The following RBM23 variants were observed in gnomAD, a reference collection of about 807,000 sequenced individuals.
RBM23 encodes the protein RNA binding motif protein 23.
RBM23 carries 53 observed loss-of-function variants against 56.2 expected under a neutral mutation model. That is an observed-to-expected ratio of 0.94 (90% CI 0.76 to 1.19). The LOEUF (loss-of-function observed/expected upper bound fraction) is 1.19. Ranked by LOEUF, RBM23 falls within the 50% of genes most tolerant of loss-of-function variation. RBM23 has a pLI of 0.00. For synonymous variants in RBM23, 197 were observed against 198.5 expected (o/e 0.99, Z 0.06); for missense variants, 642 against 590.3 (o/e 1.09, Z -0.91).
At position 22,911,390 on chromosome 14, in the gene RBM23, C is replaced by A; in HGVS notation, c.4G>T (p.Ala2Ser). The change falls in exon 2 of 14, where the codon GCA (alanine) becomes TCA (serine). Residue 2 changes from alanine (A) to serine (S), a missense_variant. Physicochemically the swap from Ala to Ser is moderately conservative, Grantham distance 99 (BLOSUM62 1). Coordinates refer to ENST00000359890, the MANE Select transcript of RBM23 (RefSeq NM_001077351.2). ...ATCACTATGTCAAAGTCATCAGATG[C>A]CATCCTGTCAGATCTGGGGAGAGGA... M[A>S]SDDFDIVIEA... The A allele has an allele frequency of 6.2e-7, 1 of 1,613,036 alleles. No individual in the cohort carries two copies. Among genetic ancestry groups the A allele is most frequent in the Non-Finnish European group, 8.5e-7 (1 of 1,179,276 alleles).
intron 5 of RBM23, 158 bp downstream of exon 5, chr14:22,906,034 GCCA>G (rs2041484986): frequency 6.0e-6 from 5 of 827,012 alleles, no homozygotes; most frequent in Non-Finnish European, 9.3e-6. Context: ...ACAGGCATGA[GCCA>G]CCACACCAGT....
intron 10 of RBM23, chr14:22,903,727 A>C: frequency 9.9e-7 from 1 of 1,012,504 alleles, no homozygotes. Context: ...AGTTATAGGA[A>C]TTGGCAACCA....
In RBM23 at chr14:22,898,606, A is replaced by C. The variant is rs1203305949; in HGVS notation, c.*3124T>G. The C allele has an allele frequency of 6.6e-6, 1 of 152,002 alleles. No individual in the cohort carries two copies. The highest frequency in any genetic ancestry group is 1.5e-5 in the Non-Finnish European group (1 of 68,012). The allele number at this position is 152,002 out of a possible 1,614,324, so 9.4% of individuals were successfully genotyped here. A position where few individuals can be genotyped will look rare whatever the true frequency, so the allele number is the denominator to read the frequency against. Reference sequence around the variant, plus strand: ...CACCTTATATGGAGTAAGACTGGAAATTGTCTTAGATACGTCCTTACTTCC... The same window carrying C: ...CACCTTATATGGAGTAAGACTGGAACTTGTCTTAGATACGTCCTTACTTCC... On this transcript the variant is annotated 3_prime_UTR_variant, in exon 14 of 14. Transcript: ENST00000359890.
chr14:22,902,547 T>C, intron 10 of RBM23, 165 bp from the exon 11 acceptor site: 1 of 1,340,142 alleles, frequency 7.5e-7, no homozygotes. Context: ...CTCAAAATGG[T>C]TCTCTGAAAA....
intron 1 of RBM23, among the ~76,000 whole-genome samples, chr14:22,918,012 A>G (rs566631772): frequency 4.1e-4 from 62 of 152,166 alleles, no homozygotes; most frequent in Non-Finnish European, 7.6e-4. Context: ...AAACACCTAC[A>G]AACTGAAGGC....
chr14:22,909,412 G>A lies in RBM23; in HGVS notation c.179+71C>T, dbSNP rs1004008333. 44 of 1,248,658 alleles carry A rather than the reference G, an allele frequency of 3.5e-5. No individual in the cohort carries two copies. In the African/African-American group the frequency reaches 4.7e-4, roughly 13 times the overall value. 77.3% of individuals were successfully genotyped at this position (1,248,658 alleles called of 1,614,324 possible). On this transcript the variant is annotated intron_variant, in intron 3 of 13. Transcript: ENST00000359890. The stretch of plus-strand genomic sequence containing the variant: ...TAACAGAAACAATCTCCCTATTCTG[G>A]TTATTTTTCCAATGGACAAAACTGT...
intron 10 of RBM23, chr14:22,903,501 G>A (rs1432090988): frequency 1.0e-6 from 1 of 985,868 alleles, no homozygotes; most frequent in African/African-American, 1.7e-5. Context: ...ATGTGGTACT[G>A]ACAGTTCCTA....
rs75198523 is a variant in RBM23 at position 22,906,448 on chromosome 14, A to G, written c.228-80T>C. 6.2e-3 allele frequency: 9,363 copies of G among 1,519,182 alleles called. 469 individuals are homozygous for G. The African/African-American group carries it at 0.11, about 18-fold the overall frequency. 94.1% of individuals were successfully genotyped at this position (1,519,182 alleles called of 1,614,324 possible). Reference sequence around the variant, plus strand: ...AGTGCATATACAACAGTGGTCCCATAAGATTATAACGGTGCTGAGAAGTTC... The same window carrying G: ...AGTGCATATACAACAGTGGTCCCATGAGATTATAACGGTGCTGAGAAGTTC... On this transcript the variant is annotated intron_variant, in intron 4 of 13. Coordinates refer to ENST00000359890, the MANE Select transcript of RBM23 (RefSeq NM_001077351.2).
rs1399200817 is a variant in RBM23 at position 22,893,899 on chromosome 14, G to A, written c.*7831C>T. Reference sequence around the variant, plus strand: ...CTTAGTGGCCTTGAAAACTCCAGATGTGAATGCAAATTCAGTAAGCCCTTG... The same window carrying A: ...CTTAGTGGCCTTGAAAACTCCAGATATGAATGCAAATTCAGTAAGCCCTTG... On this transcript the variant is annotated 3_prime_UTR_variant, in exon 14 of 14. Coordinates refer to ENST00000359890, the MANE Select transcript of RBM23 (RefSeq NM_001077351.2). The A allele has an allele frequency of 6.6e-6, 1 of 152,194 alleles. No homozygotes were observed. The highest frequency in any genetic ancestry group is 2.4e-5 in the African/African-American group (1 of 41,444). 9.4% of individuals were successfully genotyped at this position (152,194 alleles called of 1,614,324 possible).
chr14:22,908,654 A>G (rs2041977256), intron 3 of RBM23: 1 of 332,802 alleles, frequency 3.0e-6, no homozygotes, highest in South Asian at 3.7e-5. Context: ...TCAGCCTCCC[A>G]AAGTGCTGGG....
At chr14:22,908,620 CT>C (rs1157912945) in intron 3 of RBM23, 2 of 396,230 alleles carry the variant, frequency 5.0e-6, no homozygotes, top group Non-Finnish European at 9.1e-6. Context: ...TCTTGAACCC[CT>C]GGCCTCAAGT....
intron 3 of RBM23, among the ~76,000 whole-genome samples, chr14:22,909,008 C>A (rs2042034657): frequency 6.6e-6 from 1 of 150,970 alleles, no homozygotes; most frequent in Admixed American, 6.6e-5. Context: ...GATGGTGCGA[C>A]CTCGGCTCAC....
rs143742652 is a variant in RBM23, at chr14:22,916,138, C to T, written c.-11+2861G>A. ...GCCTGAAATGGAAGGATCGCTTGAA[C>T]CCAGGAAGTTGAGGCTGCAGTGAAC... is the stretch of plus-strand genomic sequence containing the variant. On this transcript the variant is annotated intron_variant, in intron 1 of 13. Coordinates refer to ENST00000359890, the MANE Select transcript of RBM23 (RefSeq NM_001077351.2). Among the ~76,000 whole-genome samples, 48 of 152,304 alleles carry T rather than the reference C, an allele frequency of 3.2e-4. 2 individuals carry two copies. In the East Asian group the frequency reaches 8.5e-3, roughly 27 times the overall value.
Position 22,896,524 on chromosome 14 carries a change from C to G in RBM23, c.*5206G>C, listed in dbSNP as rs1045369065. 1.3e-5 allele frequency: 2 copies of G among 152,178 alleles called. No individual in the cohort carries two copies. Among genetic ancestry groups the G allele is most frequent in the African/African-American group, 4.8e-5 (2 of 41,436 alleles). The allele number at this position is 152,178 out of a possible 1,614,324, so 9.4% of individuals were successfully genotyped here. A position where few individuals can be genotyped will look rare whatever the true frequency, so the allele number is the denominator to read the frequency against. ...TTGACGGGTCTCCGATTTCCAAGGT[C>G]ATTGTTTCTCCTTTCTACAATCCGG... On this transcript the variant is annotated 3_prime_UTR_variant, in exon 14 of 14. Transcript: ENST00000359890.
Position 22,900,774 on chromosome 14 carries a change from A to G in RBM23, c.*956T>C, listed in dbSNP as rs968535519. On this transcript the variant is annotated 3_prime_UTR_variant, in exon 14 of 14. Coordinates refer to ENST00000359890, the MANE Select transcript of RBM23 (RefSeq NM_001077351.2). ...CAAGGAGGAGGCTTGCCTTTTGTACAAAGTTTTTATGTATATATATATGTA... is the reference window on the plus strand; with the variant it reads ...CAAGGAGGAGGCTTGCCTTTTGTACGAAGTTTTTATGTATATATATATGTA... 2 of 140,102 alleles carry G rather than the reference A, an allele frequency of 1.4e-5. No individual in the cohort carries two copies. Among genetic ancestry groups the G allele is most frequent in the African/African-American group, 2.9e-5 (1 of 34,884 alleles). The allele number at this position is 140,102 out of a possible 1,614,324, so 8.7% of individuals were successfully genotyped here.
At position 22,896,384 on chromosome 14, in the gene RBM23, C is replaced by CTTA. The variant is rs1370413114; in HGVS notation, c.*5343_*5345dup. 3.3e-5 allele frequency: 5 copies of CTTA among 152,284 alleles called. No homozygotes were observed. The highest frequency in any genetic ancestry group is 1.2e-4 in the African/African-American group (5 of 41,548). 9.4% of individuals were successfully genotyped at this position (152,284 alleles called of 1,614,324 possible). On this transcript the variant is annotated 3_prime_UTR_variant, in exon 14 of 14. Transcript: ENST00000359890. ...TACAGGGTGGAGGTCCCCTAGCTTG[C>CTTA]TTATGCTCAGGAGTTGAGGAGGCGA...
chr14:22,916,294 T>C (rs528787504), intron 1 of RBM23, among the ~76,000 whole-genome samples: 1 of 151,922 alleles, frequency 6.6e-6, no homozygotes, highest in East Asian at 1.9e-4. Context: ...TTTCACTCTG[T>C]TGCCCAAGCT....
In RBM23 at chr14:22,908,380, C is replaced by G; in HGVS notation, c.180G>C (p.Lys60Asn). ...TATTATGGCTCCGACTCCTCTTCTT[C>G]CTGTGAAAGAGAGTACATTCTTCTT... ...SGSSTIGETS[K>N]KKRSRSHNKS... Residue 60 changes from lysine (K) to asparagine (N), a missense_variant and splice_region_variant, in exon 4 of 14, where the codon AAG becomes AAC. By Grantham distance (94) the Lys-to-Asn change is moderately conservative. Coordinates refer to ENST00000359890, the MANE Select transcript of RBM23 (RefSeq NM_001077351.2). 6.5e-7 allele frequency: 1 copy of G among 1,548,234 alleles called. No homozygotes were observed. The highest frequency in any genetic ancestry group is 8.7e-7 in the Non-Finnish European group (1 of 1,146,698).
chr14:22,912,540 A>G (rs1391409340), intron 1 of RBM23, among the ~76,000 whole-genome samples: 1 of 152,304 alleles, frequency 6.6e-6, no homozygotes, highest in East Asian at 1.9e-4. Context: ...AGAAAATACC[A>G]AAGAAAACCA....
Sources: gnomAD v4.1 joint callset for allele counts (sites outside exome capture counted in the v4.1 genomes callset) on GRCh38, gnomAD v4.1.1 for gene constraint, MANE v1.5 for transcripts, NCBI Gene and HGNC (gene_info 2026-07-23, HGNC 2026-07-21) for gene names.